The following PCDHGA4 variants were observed in gnomAD, a reference collection of about 807,000 sequenced individuals.
PCDHGA4 encodes protocadherin gamma subfamily A, 4.
PCDHGA4 carries 38 observed loss-of-function variants against 54.6 expected under a neutral mutation model. The ratio of observed to expected loss-of-function variants is 0.70; its 90% CI spans 0.54 to 0.91. The LOEUF (loss-of-function observed/expected upper bound fraction) is 0.91. PCDHGA4 is among the 40% of genes least tolerant of loss of function. The pLI, the probability that PCDHGA4 is intolerant of heterozygous loss-of-function variation, is 0.00. For synonymous variants in PCDHGA4, 511 were observed against 512.9 expected (o/e 1.00, Z 0.05); for missense variants, 1,298 against 1,220.9 (o/e 1.06, Z -0.94).
intron 1 of PCDHGA4, among the ~76,000 whole-genome samples, chr5:141,479,914 G>T (rs2099509746): frequency 6.6e-6 from 1 of 152,148 alleles, no homozygotes; most frequent in South Asian, 2.1e-4. Context: ...CTGTTATTTT[G>T]TTACTCAGTG....
chr5:141,393,103 C>A lies in PCDHGA4; in HGVS notation c.2514+35482C>A, dbSNP rs776552182. On this transcript the variant is annotated intron_variant, in intron 1 of 3. Coordinates refer to ENST00000571252, the MANE Select transcript of PCDHGA4 (RefSeq NM_018917.4). ...AGGATAGATCGGGAGGAGCTCTGCGCTCAGAGCCCGCGGTGTCTGATAAAT... is the reference window on the plus strand; with the variant it reads ...AGGATAGATCGGGAGGAGCTCTGCGATCAGAGCCCGCGGTGTCTGATAAAT... The A allele has an allele frequency of 3.2e-5, 51 of 1,613,464 alleles. No homozygotes were observed. Among genetic ancestry groups the A allele is most frequent in the South Asian group, 1.5e-4 (14 of 91,088 alleles).
intron 1 of PCDHGA4, chr5:141,365,286 T>C (rs1261897529): frequency 6.2e-7 from 1 of 1,613,946 alleles, no homozygotes. Flanking sequence ...CTCATGGAAG[T>C]GGTAGCTCAG....
intron 1 of PCDHGA4, chr5:141,376,429 G>A (rs1213536945): frequency 1.9e-5 from 31 of 1,614,088 alleles, no homozygotes; most frequent in Non-Finnish European, 2.5e-5. Context: ...TTATCAACCA[G>A]GAGAGCTATG....
At chr5:141,371,362 A>T in intron 1 of PCDHGA4, 3 of 1,614,014 alleles carry the variant, frequency 1.9e-6, no homozygotes, top group Non-Finnish European at 2.5e-6. Flanking sequence ...GAAGCAAAGG[A>T]TGGTGGACAT....
At chr5:141,387,604 T>C (rs2091008879) in intron 1 of PCDHGA4, 2 of 547,084 alleles carry the variant, frequency 3.7e-6, no homozygotes, top group Non-Finnish European at 6.4e-6. Flanking sequence ...CAGCAGAGGC[T>C]GTAGTTTCCT....
At chr5:141,423,874 A>T (rs1264795133) in intron 1 of PCDHGA4, 2 of 1,283,268 alleles carry the variant, frequency 1.6e-6, no homozygotes, top group African/African-American at 3.1e-5. Flanking sequence ...GTCATTTTTC[A>T]ATCTTGGCAT....
intron 1 of PCDHGA4, chr5:141,408,334 C>T (rs2095086638): frequency 1.2e-6 from 2 of 1,613,910 alleles, no homozygotes; most frequent in East Asian, 2.2e-5. Context: ...TGGCCAAGGG[C>T]TCGGTGGTGG....
At chr5:141,450,810 AT>A (rs755484062) in intron 1 of PCDHGA4, among the ~76,000 whole-genome samples, 1 of 136,728 alleles carries the variant, frequency 7.3e-6, no homozygotes, top group Admixed American at 7.3e-5. Context: ...TTATTTATTT[AT>A]TTAATATTAT....
In PCDHGA4 at chr5:141,490,004, CA is replaced by C; in HGVS notation, c.2515-4802del. 1 of 1,614,174 alleles carries C rather than the reference CA, an allele frequency of 6.2e-7. No individual in the cohort carries two copies. Among genetic ancestry groups the C allele is most frequent in the Admixed American group, 1.7e-5 (1 of 60,034 alleles). ...CTACGTGTGGGAATCCCAGAGAATG[CA>C]CCCATTGGTACTCTGCTGCTCCGCC... On this transcript the variant is annotated intron_variant, in intron 1 of 3. Transcript: ENST00000571252. This position sits in a 1 kb window ranked among gnomAD's most constrained non-coding sequence, Gnocchi z 5.4.
chr5:141,403,416 C>G, intron 1 of PCDHGA4: 1 of 1,614,034 alleles, frequency 6.2e-7, no homozygotes, highest in Non-Finnish European at 8.5e-7. Flanking sequence ...TATCCACTTC[C>G]AGAAGCTATT....
chr5:141,372,196 A>G lies in PCDHGA4; in HGVS notation c.2514+14575A>G, dbSNP rs1362728407. ...GCGGTGGACGCAGACTCGGGATACA[A>G]CGCCTGGCTGTCCTACCACATTGTG... On this transcript the variant is annotated intron_variant, in intron 1 of 3. Coordinates refer to ENST00000571252, the MANE Select transcript of PCDHGA4 (RefSeq NM_018917.4). 8 of 1,613,504 alleles carry G rather than the reference A, an allele frequency of 5.0e-6. No individual in the cohort carries two copies. The East Asian group carries it at 1.3e-4, about 27-fold the overall frequency.
At chr5:141,441,930 G>T in intron 1 of PCDHGA4, 1 of 347,232 alleles carries the variant, frequency 2.9e-6, no homozygotes, top group Non-Finnish European at 5.5e-6. Flanking sequence ...ATGCGTGGCT[G>T]TCCTACCACG....
intron 1 of PCDHGA4, among the ~76,000 whole-genome samples, chr5:141,456,406 G>A (rs1038971451): frequency 2.0e-5 from 3 of 152,080 alleles, no homozygotes; most frequent in South Asian, 2.1e-4. Flanking sequence ...GCTTCTAGGC[G>A]AGAAGAAACA....
In PCDHGA4 at chr5:141,400,641, G is replaced by C. The variant is rs1427284697; in HGVS notation, c.2514+43020G>C. On this transcript the variant is annotated intron_variant, in intron 1 of 3. Coordinates refer to ENST00000571252, the MANE Select transcript of PCDHGA4 (RefSeq NM_018917.4). ...GTCTTAGGGAAGTCAGAGCTGCTCA[G>C]AAAGCTGTCCTACCATTCTTTAAGA... The C allele has an allele frequency of 9.3e-6, 12 of 1,288,952 alleles. No homozygotes were observed. The East Asian group carries it at 2.8e-4, about 30-fold the overall frequency. 79.8% of individuals were successfully genotyped at this position (1,288,952 alleles called of 1,614,324 possible). A position where few individuals can be genotyped will look rare whatever the true frequency, so the allele number is the denominator to read the frequency against.
intron 1 of PCDHGA4, chr5:141,366,697 G>T (rs1220924698): frequency 1.2e-6 from 2 of 1,614,132 alleles, no homozygotes; most frequent in African/African-American, 2.7e-5. Flanking sequence ...AGAAAAGCGA[G>T]CCTCTTCTGA....
At chr5:141,371,248 G>T in intron 1 of PCDHGA4, 1 of 1,614,024 alleles carries the variant, frequency 6.2e-7, no homozygotes, top group East Asian at 2.2e-5. Context: ...ATCAATATTG[G>T]CAAGGAAGTG....
chr5:141,383,736 T>C (rs1388139242), intron 1 of PCDHGA4: 1 of 1,614,002 alleles, frequency 6.2e-7, no homozygotes, highest in Non-Finnish European at 8.5e-7. Context: ...AAGTGACATA[T>C]TCTTTTCGGA....
Position 141,486,690 on chromosome 5 carries a change from C to G in PCDHGA4, c.2515-8117C>G. ...AGGAATCGAGATGTATCAGCTTCCTCTTTCATCTCTCTGAACCCCCAGACA... is the reference window on the plus strand; with the variant it reads ...AGGAATCGAGATGTATCAGCTTCCTGTTTCATCTCTCTGAACCCCCAGACA... On this transcript the variant is annotated intron_variant, in intron 1 of 3. Coordinates refer to ENST00000571252, the MANE Select transcript of PCDHGA4 (RefSeq NM_018917.4). The surrounding 1 kb of genome is among the most constrained non-coding windows in gnomAD (Gnocchi z 5.0). 3 of 1,614,144 alleles carry G rather than the reference C, an allele frequency of 1.9e-6. No individual in the cohort carries two copies. The highest frequency in any genetic ancestry group is 2.5e-6 in the Non-Finnish European group (3 of 1,180,036).
chr5:141,478,364 G>A (rs1382073187), intron 1 of PCDHGA4: 2 of 1,613,660 alleles, frequency 1.2e-6, no homozygotes, highest in African/African-American at 2.7e-5. Flanking sequence ...CGTGCGGGGA[G>A]GCCTGATGTC....
Sources: gnomAD v4.1 joint callset for allele counts (sites outside exome capture counted in the v4.1 genomes callset) on GRCh38, gnomAD v4.1.1 for gene constraint, Gnocchi (gnomAD v3.1) non-coding constraint, MANE v1.5 for transcripts, NCBI Gene and HGNC (gene_info 2026-07-23, HGNC 2026-07-21) for gene names.